Variants in RBM48 observed in about 807,000 individuals in gnomAD.
RBM48 encodes the protein RNA-binding protein 48.
In RBM48, 32 loss-of-function variants were observed where a neutral mutation model predicts 34.8. The ratio of observed to expected loss-of-function variants is 0.92; its 90% CI spans 0.69 to 1.23. RBM48 has a LOEUF of 1.23. Ranked by LOEUF, RBM48 falls within the 50% of genes most tolerant of loss-of-function variation. The probability of loss-of-function intolerance (pLI) is 0.00; values close to 1 mark genes in which losing one functional copy is unlikely to be tolerated. For synonymous variants in RBM48, 151 were observed against 156.2 expected, an observed-to-expected ratio of 0.97 and a Z score of 0.25; for missense variants, 441 against 447.2, an observed-to-expected ratio of 0.99 and a Z score of 0.12.
rs146096614 is a variant in RBM48 at position 92,538,670 on chromosome 7, A to C, written c.*1733A>C. Among the ~76,000 whole-genome samples the C allele has an allele frequency of 2.3e-3, 355 of 152,310 alleles. 10 individuals are homozygous for C. The East Asian group carries it at 0.064, about 27-fold the overall frequency. On this transcript the variant is annotated 3_prime_UTR_variant, in exon 5 of 5. Coordinates refer to ENST00000265732, the MANE Select transcript of RBM48 (RefSeq NM_032120.4). The stretch of plus-strand genomic sequence containing the variant: ...TTGCTGTCTGGTTCAGGCTTCTCAG[A>C]CTATAAGTTGCTATGATCTCCACCT...
chr7:92,532,465 G>C lies in RBM48; in HGVS notation c.364G>C (p.Ala122Pro). The change falls in exon 3 of 5, where the codon GCT becomes CCT. Residue 122 changes from alanine to proline, a missense_variant. Ala to Pro is a conservative substitution (Grantham distance 27). Transcript: ENST00000265732. ...FFGGLLHVCY[A>P]PEFETVEETR... ...CGGTGGATTGCTTCATGTGTGCTAT[G>C]CTCCAGAATTTGAAACAGTTGAAGA... is the stretch of plus-strand genomic sequence containing the variant. 1 of 1,612,474 alleles carries C rather than the reference G, an allele frequency of 6.2e-7. No individual in the cohort carries two copies. The highest frequency in any genetic ancestry group is 8.5e-7 in the Non-Finnish European group (1 of 1,178,572).
At chr7:92,532,367 A>G in intron 2 of RBM48, 37 bp from the exon 3 acceptor site, 1 of 1,558,474 alleles carries the variant, frequency 6.4e-7, no homozygotes, top group South Asian at 1.2e-5. Context: ...AAGTAAATCT[A>G]GATTAAAAAA....
Position 92,534,923 on chromosome 7 carries a change from G to T in RBM48, c.970G>T (p.Asp324Tyr). 1 of 1,614,156 alleles carries T rather than the reference G, an allele frequency of 6.2e-7. No homozygotes were observed. Among genetic ancestry groups the T allele is most frequent in the South Asian group, 1.1e-5 (1 of 91,062 alleles). The part of the protein sequence containing the change: ...PDISKVDMHD[D>Y]SLNTTANLIR... ...CATCTCTAAAGTGGATATGCACGAT[G>T]ACTCATTGAATACAACGGCGAATTT... Residue 324 changes from aspartate to tyrosine, a missense_variant, in exon 4 of 5, where the codon GAC becomes TAC. Asp to Tyr is a radical substitution (Grantham distance 160). Transcript: ENST00000265732.
At chr7:92,534,379 A>G (rs748201369) in intron 3 of RBM48, 23 bp from the exon 4 acceptor site, 7 of 1,590,798 alleles carry the variant, frequency 4.4e-6, no homozygotes, top group Non-Finnish European at 6.0e-6. Context: ...CCTTTCCCTC[A>G]ACTTTTAAAT....
At chr7:92,532,337 A>G (rs1383797712) in intron 2 of RBM48, 67 bp from the exon 3 acceptor site, 4 of 1,336,510 alleles carry the variant, frequency 3.0e-6, no homozygotes, top group Admixed American at 4.3e-5. Context: ...GATATTGCAT[A>G]CTAGTTAAGC....
Position 92,529,539 on chromosome 7 carries a change from A to G in RBM48, c.175A>G (p.Met59Val). Residue 59 changes from methionine to valine, a missense_variant, in exon 2 of 5, where the codon ATG becomes GTG. Coordinates refer to ENST00000265732, the MANE Select transcript of RBM48 (RefSeq NM_032120.4). ...ACAAGGAGTTCCTGCTGTGGGAGTC[A>G]TGAAGGAATTAGTTGAGCGATTCGC... ...LIQGVPAVGV[M>V]KELVERFALY... 2 of 1,611,728 alleles carry G rather than the reference A, an allele frequency of 1.2e-6. No homozygotes were observed. The highest frequency in any genetic ancestry group is 1.7e-6 in the Non-Finnish European group (2 of 1,177,876).
Position 92,539,341 on chromosome 7 carries a change from TTA to T in RBM48, c.*2405_*2406del, listed in dbSNP as rs1395403771. On this transcript the variant is annotated 3_prime_UTR_variant, in exon 5 of 5. Transcript: ENST00000265732. ...AATAAACTACAGGGAGACAAATAAA[TTA>T]AAGAGATGAGTTGAGGTGGATAAGG... Among the ~76,000 whole-genome samples the T allele has an allele frequency of 6.6e-6, 1 of 152,144 alleles. No individual in the cohort carries two copies. The highest frequency in any genetic ancestry group is 1.5e-5 in the Non-Finnish European group (1 of 68,014).
rs571725064 is a variant in RBM48 at position 92,530,093 on chromosome 7, C to T, written c.302+427C>T. 6.0e-4 allele frequency among the ~76,000 whole-genome samples: 90 copies of T among 150,418 alleles called. No individual in the cohort carries two copies. In the South Asian group the frequency reaches 0.018, roughly 31 times the overall value. ...TCGGGAGGCTGAGGCAGGAGAATCG[C>T]TTGAAACCGGGAGGCAGAGGTTGCA... On this transcript the variant is annotated intron_variant, in intron 2 of 4. Coordinates refer to ENST00000265732, the MANE Select transcript of RBM48 (RefSeq NM_032120.4).
Position 92,539,461 on chromosome 7 carries a change from G to A in RBM48, c.*2524G>A, listed in dbSNP as rs1793806980. Among the ~76,000 whole-genome samples, 1 of 152,184 alleles carries A rather than the reference G, an allele frequency of 6.6e-6. No individual in the cohort carries two copies. The highest frequency in any genetic ancestry group is 6.5e-5 in the Admixed American group (1 of 15,288). On this transcript the variant is annotated 3_prime_UTR_variant, in exon 5 of 5. Coordinates refer to ENST00000265732, the MANE Select transcript of RBM48 (RefSeq NM_032120.4). Reference sequence around the variant, plus strand: ...TCATGCCTATAATCCCAGCACTTTGGGAGGCCAAGGTGGGAGGATCACCTG... The same window carrying A: ...TCATGCCTATAATCCCAGCACTTTGAGAGGCCAAGGTGGGAGGATCACCTG...
chr7:92,536,865 G>A lies in RBM48; in HGVS notation c.1032G>A (p.Val344=). 2 of 1,597,804 alleles carry A rather than the reference G, an allele frequency of 1.3e-6. No homozygotes were observed. Among genetic ancestry groups the A allele is most frequent in the East Asian group, 4.5e-5 (2 of 44,448 alleles). Residue 344 remains valine (V), a synonymous_variant, in exon 5 of 5, where the codon GTG becomes GTA. Transcript: ENST00000265732. Reference sequence around the variant, plus strand: ...TTTTTAATTAGGTAATTTCATCTGTGCCAAAGCCTCCAGAGGACAAGCCAG... The same window carrying A: ...TTTTTAATTAGGTAATTTCATCTGTACCAAAGCCTCCAGAGGACAAGCCAG... ...RHKLKEVISS[V]PKPPEDKPED...
In RBM48 at chr7:92,534,649, T is replaced by C. The variant is rs1201906439; in HGVS notation, c.696T>C (p.His232=). ...CCTCTAAGGATGGTAGAAACCATCA[T>C]AAAACAATGGGGCATTATAACCACA... is the stretch of plus-strand genomic sequence containing the variant. The part of the protein sequence containing the change: ...PDSSKDGRNH[H]KTMGHYNHND... The change falls in exon 4 of 5, where the codon CAT becomes CAC. Residue 232 remains histidine, a synonymous_variant. Coordinates refer to ENST00000265732, the MANE Select transcript of RBM48 (RefSeq NM_032120.4). 3 of 1,614,062 alleles carry C rather than the reference T, an allele frequency of 1.9e-6. No homozygotes were observed. The African/African-American group carries it at 4.0e-5, about 22-fold the overall frequency.
chr7:92,529,499 T>C lies in RBM48; in HGVS notation c.135T>C (p.Ser45=). The C allele has an allele frequency of 6.2e-7, 1 of 1,605,540 alleles. No homozygotes were observed. Among genetic ancestry groups the C allele is most frequent in the Non-Finnish European group, 8.5e-7 (1 of 1,174,750 alleles). The change falls in exon 2 of 5, where the codon TCT becomes TCC. Residue 45 remains serine, a synonymous_variant. Coordinates refer to ENST00000265732, the MANE Select transcript of RBM48 (RefSeq NM_032120.4). ...AGGTATATACAATCAATTTGGAATC[T>C]CAGTACTTATTAATACAAGGAGTTC... is the stretch of plus-strand genomic sequence containing the variant. ...AVKVYTINLE[S]QYLLIQGVPA...
At chr7:92,530,608 T>C (rs372078424) in intron 2 of RBM48, among the ~76,000 whole-genome samples, 4 of 151,002 alleles carry the variant, frequency 2.6e-5, no homozygotes, top group African/African-American at 9.7e-5. Flanking sequence ...TCAAGACCAG[T>C]CTGGCCAACA....
intron 4 of RBM48, 22 bp from the exon 5 acceptor site, chr7:92,536,829 G>GT: frequency 6.4e-7 from 1 of 1,555,854 alleles, no homozygotes; most frequent in South Asian, 1.2e-5. Context: ...AGTTTTAATG[G>GT]TTCTTTTTTT....
chr7:92,530,146 C>G (rs1018373315), intron 2 of RBM48, among the ~76,000 whole-genome samples: 1 of 143,952 alleles, frequency 6.9e-6, no homozygotes, highest in African/African-American at 2.6e-5. Context: ...CATTGCACTC[C>G]AGACAGGGCA....
rs1350557283 is a variant in RBM48 at position 92,534,469 on chromosome 7, C to G, written c.516C>G (p.Phe172Leu). The G allele has an allele frequency of 1.2e-6, 2 of 1,614,018 alleles. No homozygotes were observed. The highest frequency in any genetic ancestry group is 2.7e-5 in the African/African-American group (2 of 75,026). The change falls in exon 4 of 5, where the codon TTC becomes TTG. Residue 172 changes from phenylalanine (F) to leucine (L), a missense_variant. Coordinates refer to ENST00000265732, the MANE Select transcript of RBM48 (RefSeq NM_032120.4). The part of the protein sequence containing the change: ...HKDTEDFRQD[F>L]HSEMSGFCKA... ...ACACAGAGGATTTTAGACAAGACTT[C>G]CACTCAGAGATGTCTGGATTTTGTA...
Position 92,539,500 on chromosome 7 carries a change from A to G in RBM48, c.*2563A>G, listed in dbSNP as rs1793808589. ...GAGGATCACCTGAGGTCAGGAGTTC[A>G]AGGCCAGCCTGGCCAACATGATGAA... is the stretch of plus-strand genomic sequence containing the variant. On this transcript the variant is annotated 3_prime_UTR_variant, in exon 5 of 5. Coordinates refer to ENST00000265732, the MANE Select transcript of RBM48 (RefSeq NM_032120.4). Among the ~76,000 whole-genome samples the G allele has an allele frequency of 6.6e-6, 1 of 152,278 alleles. No individual in the cohort carries two copies. The highest frequency in any genetic ancestry group is 3.4e-3 in the Middle Eastern group (1 of 294).
At position 92,540,013 on chromosome 7, in the gene RBM48, A is replaced by ATACT; in HGVS notation, c.*3080_*3083dup. Among the ~76,000 whole-genome samples, 1 of 152,372 alleles carries ATACT rather than the reference A, an allele frequency of 6.6e-6. No individual in the cohort carries two copies. Among genetic ancestry groups the ATACT allele is most frequent in the East Asian group, 1.9e-4 (1 of 5,196 alleles). ...CTGGATTTGGTTTGGGAAATACACC[A>ATACT]TACTTACAGGAAACAGGAATTGTCT... On this transcript the variant is annotated 3_prime_UTR_variant, in exon 5 of 5. Coordinates refer to ENST00000265732, the MANE Select transcript of RBM48 (RefSeq NM_032120.4).
At chr7:92,535,421 G>T in intron 4 of RBM48, 7 of 1,013,742 alleles carry the variant, frequency 6.9e-6, no homozygotes, top group Non-Finnish European at 8.2e-6. Context: ...AGAAGGTGGT[G>T]AGATTTCTAA....
Sources: allele counts gnomAD v4.1 joint callset (sites outside exome capture counted in the v4.1 genomes callset), GRCh38; gene constraint gnomAD v4.1.1; transcripts MANE v1.5; gene names NCBI Gene and HGNC (gene_info 2026-07-23, HGNC 2026-07-21).